PCDHGC4: variants seen among roughly 807,000 people sequenced by gnomAD.
PCDHGC4 encodes protocadherin gamma subfamily C, 4, also known as protocadherin gamma-C4.
Under a neutral mutation model 59.7 loss-of-function variants are expected in PCDHGC4, and 15 were observed. That is an observed-to-expected ratio of 0.25 (90% CI 0.17 to 0.39). The LOEUF is 0.39. Among genes scored for constraint, PCDHGC4 ranks in the 10% least tolerant of loss-of-function variants. The probability of loss-of-function intolerance (pLI) is 1.00; values close to 1 mark genes in which losing one functional copy is unlikely to be tolerated. For missense variants in PCDHGC4, 1,016 were observed against 1,189.5 expected, an observed-to-expected ratio of 0.85 and a Z score of 2.15; for synonymous variants, 434 against 481.4, an observed-to-expected ratio of 0.90 and a Z score of 1.29.
Position 141,486,585 on chromosome 5 carries a change from G to A in PCDHGC4, c.1412G>A (p.Gly471Glu). The A allele has an allele frequency of 6.2e-7, 1 of 1,613,708 alleles. No individual in the cohort carries two copies. The highest frequency in any genetic ancestry group is 1.1e-5 in the South Asian group (1 of 91,080). ...TTTGTTCCTGAGAACAATCGCCCAG[G>A]GGACCTGCTTTGCTCCCTTGCAGCC... ...EVFVPENNRP[G>E]DLLCSLAASD... The change falls in exon 1 of 4, where the codon GGG (glycine) becomes GAG (glutamate). Residue 471 changes from glycine (G) to glutamate (E), a missense_variant. Transcript: ENST00000306593. The surrounding 1 kb of genome is among the most constrained non-coding windows in gnomAD (Gnocchi z 5.0).
chr5:141,489,707 G>A lies in PCDHGC4; in HGVS notation c.2442+2092G>A. 6.2e-7 allele frequency: 1 copy of A among 1,614,194 alleles called. No individual in the cohort carries two copies. Among genetic ancestry groups the A allele is most frequent in the Non-Finnish European group, 8.5e-7 (1 of 1,180,022 alleles). The stretch of plus-strand genomic sequence containing the variant: ...TCTGGGGCACGATTCCCACTGGACA[G>A]TGCCCAGGATCCGGATGTGGGCACC... On this transcript the variant is annotated intron_variant, in intron 1 of 3. Transcript: ENST00000306593. The surrounding 1 kb of genome is among the most constrained non-coding windows in gnomAD (Gnocchi z 4.5).
chr5:141,509,819 C>T (rs1008625658), intron 3 of PCDHGC4, among the ~76,000 whole-genome samples: 3 of 152,154 alleles, frequency 2.0e-5, no homozygotes, highest in African/African-American at 7.2e-5. Context: ...AGCTCTTCTC[C>T]ATCTTCTCTC....
chr5:141,489,293 T>G lies in PCDHGC4; in HGVS notation c.2442+1678T>G. The G allele has an allele frequency of 6.3e-7, 1 of 1,579,940 alleles. No homozygotes were observed. Among genetic ancestry groups the G allele is most frequent in the Non-Finnish European group, 8.6e-7 (1 of 1,162,928 alleles). ...GCTGGGAAATGGCAAGTGCTGTGCA[T>G]GTTGTCCTTGTGCTGCTGGGGCTGG... On this transcript the variant is annotated intron_variant, in intron 1 of 3. Transcript: ENST00000306593. This position sits in a 1 kb window ranked among gnomAD's most constrained non-coding sequence, Gnocchi z 4.5.
rs1439461935 is a variant in PCDHGC4 at position 141,511,976 on chromosome 5, G to A, written c.*803G>A. ...ATAAGGAAGGGAAGTGTGTGGATGT[G>A]GATGGTGGGGGCATGGACAAAGCTT... is the stretch of plus-strand genomic sequence containing the variant. On this transcript the variant is annotated 3_prime_UTR_variant, in exon 4 of 4. Coordinates refer to ENST00000306593, the MANE Select transcript of PCDHGC4 (RefSeq NM_018928.3). 6.5e-6 allele frequency: 1 copy of A among 153,384 alleles called. No homozygotes were observed. Among genetic ancestry groups the A allele is most frequent in the Non-Finnish European group, 1.5e-5 (1 of 68,664 alleles). 9.5% of individuals were successfully genotyped at this position (153,384 alleles called of 1,614,324 possible).
In PCDHGC4 at chr5:141,489,261, A is replaced by C; in HGVS notation, c.2442+1646A>C. 6.4e-7 allele frequency: 1 copy of C among 1,551,956 alleles called. No individual in the cohort carries two copies. Among genetic ancestry groups the C allele is most frequent in the East Asian group, 2.2e-5 (1 of 44,450 alleles). Reference sequence around the variant, plus strand: ...GGGTCATGGGGCCCAAGACACTCCCACAGCTCGCTGGGAAATGGCAAGTGC... The same window carrying C: ...GGGTCATGGGGCCCAAGACACTCCCCCAGCTCGCTGGGAAATGGCAAGTGC... On this transcript the variant is annotated intron_variant, in intron 1 of 3. Coordinates refer to ENST00000306593, the MANE Select transcript of PCDHGC4 (RefSeq NM_018928.3). The surrounding 1 kb of genome is among the most constrained non-coding windows in gnomAD (Gnocchi z 4.5).
At chr5:141,494,654 G>A in intron 1 of PCDHGC4, 153 bp from the exon 2 acceptor site, 1 of 966,640 alleles carries the variant, frequency 1.0e-6, no homozygotes, top group South Asian at 4.8e-5. Context: ...GGTGTATTTT[G>A]TCTTTGGAGA....
In PCDHGC4 at chr5:141,490,692, G is replaced by C. The variant is rs751109998; in HGVS notation, c.2442+3077G>C. 16 of 1,614,154 alleles carry C rather than the reference G, an allele frequency of 9.9e-6. 1 individual carries two copies. The Middle Eastern group carries it at 6.6e-4, about 67-fold the overall frequency. ...TGGCTGCCTCAGATCCAGACACTGG[G>C]GATAATGCCCGCCTCACCTACTCCA... On this transcript the variant is annotated intron_variant, in intron 1 of 3. Transcript: ENST00000306593. This position sits in a 1 kb window ranked among gnomAD's most constrained non-coding sequence, Gnocchi z 5.4.
chr5:141,502,601 A>G (rs2099815205), intron 2 of PCDHGC4, among the ~76,000 whole-genome samples: 1 of 152,218 alleles, frequency 6.6e-6, no homozygotes, highest in Non-Finnish European at 1.5e-5. Flanking sequence ...ATATTTTAAA[A>G]TATTTGTGAA....
chr5:141,489,636 C>T lies in PCDHGC4; in HGVS notation c.2442+2021C>T. On this transcript the variant is annotated intron_variant, in intron 1 of 3. Coordinates refer to ENST00000306593, the MANE Select transcript of PCDHGC4 (RefSeq NM_018928.3). The surrounding 1 kb of genome is among the most constrained non-coding windows in gnomAD (Gnocchi z 4.5). ...TGGATCTCAATGACAACTCTCCTAG[C>T]TTTGCCACCCCTGAGCGAGAGATGC... 1.2e-6 allele frequency: 2 copies of T among 1,614,190 alleles called. No homozygotes were observed. The highest frequency in any genetic ancestry group is 1.7e-6 in the Non-Finnish European group (2 of 1,180,030).
At chr5:141,500,370 G>C (rs766183384) in intron 2 of PCDHGC4, among the ~76,000 whole-genome samples, 1 of 151,644 alleles carries the variant, frequency 6.6e-6, no homozygotes, top group Non-Finnish European at 1.5e-5. Flanking sequence ...TACCACGCCC[G>C]GCTAATTATT....
chr5:141,498,065 G>C (rs1197771947), intron 2 of PCDHGC4, among the ~76,000 whole-genome samples: 1 of 152,220 alleles, frequency 6.6e-6, no homozygotes, highest in Non-Finnish European at 1.5e-5. Context: ...GACTGAAACT[G>C]TCATAAGTGC....
In PCDHGC4 at chr5:141,512,839, C is replaced by T. The variant is rs141207714; in HGVS notation, c.*1666C>T. ...GACCCCCTCCCCCGTACTGACTTCTCCTATAAGCGCTTCTCTTCGCATAGT... is the reference window on the plus strand; with the variant it reads ...GACCCCCTCCCCCGTACTGACTTCTTCTATAAGCGCTTCTCTTCGCATAGT... On this transcript the variant is annotated 3_prime_UTR_variant, in exon 4 of 4. Transcript: ENST00000306593. 278 of 152,216 alleles carry T rather than the reference C, an allele frequency of 1.8e-3. 2 individuals are homozygous for T. Among genetic ancestry groups the T allele is most frequent in the Middle Eastern group, 0.01 (3 of 292 alleles). 9.4% of individuals were successfully genotyped at this position (152,216 alleles called of 1,614,324 possible). A position where few individuals can be genotyped will look rare whatever the true frequency, so the allele number is the denominator to read the frequency against.
At chr5:141,499,779 C>T (rs1450026011) in intron 2 of PCDHGC4, among the ~76,000 whole-genome samples, 3 of 151,452 alleles carry the variant, frequency 2.0e-5, no homozygotes, top group Non-Finnish European at 4.4e-5. Flanking sequence ...CTTCGCCTCC[C>T]GGGTTCAAGC....
rs2099706000 is a variant in PCDHGC4 at position 141,490,911 on chromosome 5, G to A, written c.2442+3296G>A. 1 of 1,613,722 alleles carries A rather than the reference G, an allele frequency of 6.2e-7. No individual in the cohort carries two copies. Among genetic ancestry groups the A allele is most frequent in the Non-Finnish European group, 8.5e-7 (1 of 1,179,746 alleles). Reference sequence around the variant, plus strand: ...CTCTGCATGTGTTTGTCCTAGACGAGAATGATAATGCCCCAGCTGTGCTGC... The same window carrying A: ...CTCTGCATGTGTTTGTCCTAGACGAAAATGATAATGCCCCAGCTGTGCTGC... On this transcript the variant is annotated intron_variant, in intron 1 of 3. Coordinates refer to ENST00000306593, the MANE Select transcript of PCDHGC4 (RefSeq NM_018928.3). This position sits in a 1 kb window ranked among gnomAD's most constrained non-coding sequence, Gnocchi z 5.4.
At position 141,485,929 on chromosome 5, in the gene PCDHGC4, G is replaced by A; in HGVS notation, c.756G>A (p.Leu252=). 1 of 1,614,150 alleles carries A rather than the reference G, an allele frequency of 6.2e-7. No homozygotes were observed. The highest frequency in any genetic ancestry group is 8.5e-7 in the Non-Finnish European group (1 of 1,180,036). ...AATCCAGCTACAGGATTAGTGTGTT[G>A]GAGAGCGCACCAGCGGGCATGGTGC... ...FQQSSYRISV[L]ESAPAGMVLI... is the part of the protein sequence containing the mutation. The change falls in exon 1 of 4, where the codon TTG becomes TTA. Residue 252 remains leucine (L), a synonymous_variant. Coordinates refer to ENST00000306593, the MANE Select transcript of PCDHGC4 (RefSeq NM_018928.3). This position sits in a 1 kb window ranked among gnomAD's most constrained non-coding sequence, Gnocchi z 5.7.
At chr5:141,500,184 TTTTATTTATTTA>T (rs58019021) in intron 2 of PCDHGC4, among the ~76,000 whole-genome samples, 197 of 135,960 alleles carry the variant, frequency 1.4e-3, no homozygotes, top group African/African-American at 3.6e-3. Context: ...TCATTTTTAT[TTTTATTTATTTA>T]TTTATTTATT....
At chr5:141,504,660 C>T (rs1002186811) in intron 2 of PCDHGC4, among the ~76,000 whole-genome samples, 8 of 101,980 alleles carry the variant, frequency 7.8e-5, no homozygotes, top group Admixed American at 5.7e-4. Flanking sequence ...TGTTTGAGGG[C>T]GGGGGGTGGG....
chr5:141,485,895 C>G lies in PCDHGC4; in HGVS notation c.722C>G (p.Ala241Gly), dbSNP rs1243568042. The change falls in exon 1 of 4, where the codon GCC (alanine) becomes GGC (glycine). Residue 241 changes from alanine (A) to glycine (G), a missense_variant. Coordinates refer to ENST00000306593, the MANE Select transcript of PCDHGC4 (RefSeq NM_018928.3). This position sits in a 1 kb window ranked among gnomAD's most constrained non-coding sequence, Gnocchi z 5.7. ...SVLDVNDNAP[A>G]FQQSSYRISV... Reference sequence around the variant, plus strand: ...CTGGACGTAAACGACAACGCCCCAGCCTTCCAGCAATCCAGCTACAGGATT... The same window carrying G: ...CTGGACGTAAACGACAACGCCCCAGGCTTCCAGCAATCCAGCTACAGGATT... 3 of 1,614,136 alleles carry G rather than the reference C, an allele frequency of 1.9e-6. No individual in the cohort carries two copies. The highest frequency in any genetic ancestry group is 2.5e-6 in the Non-Finnish European group (3 of 1,180,036).
Position 141,491,732 on chromosome 5 carries a change from C to G in PCDHGC4, c.2443-3075C>G. ...GGCTCGGCGCCGCCCCGGGCGACCC[C>G]TGGGGGCGGCACTGGAGAAGCCGCC... On this transcript the variant is annotated intron_variant, in intron 1 of 3. Coordinates refer to ENST00000306593, the MANE Select transcript of PCDHGC4 (RefSeq NM_018928.3). This position sits in a 1 kb window ranked among gnomAD's most constrained non-coding sequence, Gnocchi z 6.9. The G allele has an allele frequency of 1.2e-6, 2 of 1,602,752 alleles. No individual in the cohort carries two copies. Among genetic ancestry groups the G allele is most frequent in the Non-Finnish European group, 1.7e-6 (2 of 1,175,308 alleles).
Sources: gnomAD v4.1 joint callset for allele counts (sites outside exome capture counted in the v4.1 genomes callset) on GRCh38, gnomAD v4.1.1 for gene constraint, Gnocchi (gnomAD v3.1) non-coding constraint, MANE v1.5 for transcripts, NCBI Gene and HGNC (gene_info 2026-07-23, HGNC 2026-07-21) for gene names.